TGFBR2: variants seen among roughly 807,000 people sequenced by gnomAD.
TGFBR2 encodes TGF-beta receptor type-2.
In TGFBR2, 18 loss-of-function variants were observed where a neutral mutation model predicts 49.0. That is an observed-to-expected ratio of 0.37 (90% CI 0.25 to 0.54). The LOEUF (loss-of-function observed/expected upper bound fraction) is 0.54. Ranked by LOEUF, TGFBR2 falls within the 20% of genes least tolerant of loss-of-function variation. The pLI, the probability that TGFBR2 is intolerant of heterozygous loss-of-function variation, is 0.85. For missense variants in TGFBR2, 525 were observed against 722.6 expected (o/e 0.73, Z 3.13); for synonymous variants, 282 against 275.9 (o/e 1.02, Z -0.22).
rs2125451840 is a variant in TGFBR2, at chr3:30,688,436, T to A, written c.1449T>A (p.Cys483Ter). The change falls in exon 6 of 7, where the codon TGT becomes TGA. Residue 483 changes from cysteine to a stop codon, truncating the protein, a stop_gained. Coordinates refer to ENST00000295754, the MANE Select transcript of TGFBR2 (RefSeq NM_003242.6). LOFTEE classifies it high-confidence loss of function. ...PFGSKVREHPCVESMKDNVLR... is the reference protein window; with the variant it reads ...PFGSKVREHP Reference sequence around the variant, plus strand: ...GTTCCAAGGTGCGGGAGCACCCCTGTGTCGAAAGCATGAAGGACAACGTGT... The same window carrying A: ...GTTCCAAGGTGCGGGAGCACCCCTGAGTCGAAAGCATGAAGGACAACGTGT... The A allele has an allele frequency of 6.2e-7, 1 of 1,614,216 alleles. No homozygotes were observed. Among genetic ancestry groups the A allele is most frequent in the Non-Finnish European group, 8.5e-7 (1 of 1,180,010 alleles).
At chr3:30,639,398 A>G (rs1206685154) in intron 1 of TGFBR2, among the ~76,000 whole-genome samples, 1 of 152,208 alleles carries the variant, frequency 6.6e-6, no homozygotes, top group Non-Finnish European at 1.5e-5. Context: ...AATCAACTGA[A>G]CAGCCTTAAG....
intron 1 of TGFBR2, among the ~76,000 whole-genome samples, chr3:30,611,553 G>A (rs1291252266): frequency 6.6e-6 from 1 of 151,548 alleles, no homozygotes; most frequent in African/African-American, 2.4e-5. Flanking sequence ...AAAGTCACCA[G>A]AGGAATTATC....
intron 1 of TGFBR2, among the ~76,000 whole-genome samples, chr3:30,632,385 T>TG (rs1402785202): frequency 1.3e-5 from 2 of 152,204 alleles, no homozygotes; most frequent in African/African-American, 4.8e-5. Flanking sequence ...AGACCTATGC[T>TG]GGTTATGAAC....
At chr3:30,644,720 A>G (rs767922281) in intron 1 of TGFBR2, 27 bp from the exon 2 acceptor site, 13 of 1,611,328 alleles carry the variant, frequency 8.1e-6, no homozygotes, top group African/African-American at 4.0e-5. Context: ...TTGGATAATC[A>G]TTTAATATAT....
intron 3 of TGFBR2, among the ~76,000 whole-genome samples, chr3:30,660,966 A>G (rs1699112308): frequency 6.6e-6 from 1 of 152,202 alleles, no homozygotes; most frequent in Non-Finnish European, 1.5e-5. Flanking sequence ...CTGGAAAGCC[A>G]GGGAGAGAGA....
intron 1 of TGFBR2, among the ~76,000 whole-genome samples, chr3:30,644,264 A>T (rs1226183659): frequency 6.6e-6 from 1 of 152,184 alleles, no homozygotes; most frequent in African/African-American, 2.4e-5. Context: ...GTGAGGTTAT[A>T]GCCTCCCTGC....
chr3:30,678,289 T>TG (rs1374766177), intron 5 of TGFBR2, among the ~76,000 whole-genome samples: 2 of 152,248 alleles, frequency 1.3e-5, no homozygotes, highest in Admixed American at 1.3e-4. Context: ...GGCTCACGCC[T>TG]GTAATCCCAA....
chr3:30,649,175 C>G (rs945249770), intron 2 of TGFBR2, among the ~76,000 whole-genome samples: 2 of 152,102 alleles, frequency 1.3e-5, no homozygotes, highest in Non-Finnish European at 2.9e-5. Context: ...CGCTCCCTCT[C>G]TAGACAGAGA....
intron 3 of TGFBR2, among the ~76,000 whole-genome samples, chr3:30,657,218 CTTTT>C (rs1271522426): frequency 6.6e-6 from 1 of 152,102 alleles, no homozygotes; most frequent in Admixed American, 6.6e-5. Context: ...GGTGTGTTTG[CTTTT>C]TTATCAGTCT....
intron 1 of TGFBR2, among the ~76,000 whole-genome samples, chr3:30,639,466 T>G (rs943087193): frequency 4.6e-5 from 7 of 152,220 alleles, no homozygotes; most frequent in African/African-American, 1.7e-4. Context: ...AGCATTGATT[T>G]CTGCCTGAGT....
At chr3:30,644,292 C>T (rs879708688) in intron 1 of TGFBR2, among the ~76,000 whole-genome samples, 4 of 152,158 alleles carry the variant, frequency 2.6e-5, no homozygotes, top group Admixed American at 6.5e-5. Context: ...AGCGGTGATG[C>T]TCGCCTGGCT....
intron 1 of TGFBR2, among the ~76,000 whole-genome samples, chr3:30,610,360 G>T (rs914677508): frequency 6.6e-6 from 1 of 152,016 alleles, no homozygotes; most frequent in Non-Finnish European, 1.5e-5. Flanking sequence ...AGGAGGATGT[G>T]CATGTTGAAT....
At chr3:30,614,310 G>T (rs1405338042) in intron 1 of TGFBR2, among the ~76,000 whole-genome samples, 7 of 152,168 alleles carry the variant, frequency 4.6e-5, no homozygotes. Flanking sequence ...GCTTCTCAGT[G>T]CTTTAGAAGA....
intron 3 of TGFBR2, among the ~76,000 whole-genome samples, chr3:30,661,232 A>C (rs948086380): frequency 2.0e-5 from 3 of 152,182 alleles, no homozygotes; most frequent in Non-Finnish European, 4.4e-5. Context: ...AGAAAACTGC[A>C]ATAACACAGA....
At chr3:30,657,336 C>T (rs1018354266) in intron 3 of TGFBR2, among the ~76,000 whole-genome samples, 1 of 152,158 alleles carries the variant, frequency 6.6e-6, no homozygotes, top group Non-Finnish European at 1.5e-5. Flanking sequence ...AGAGGCACAA[C>T]CTCAGGCTGA....
chr3:30,693,671 C>A lies in TGFBR2; in HGVS notation c.*2072C>A. 1 of 233,634 alleles carries A rather than the reference C, an allele frequency of 4.3e-6. No individual in the cohort carries two copies. Among genetic ancestry groups the A allele is most frequent in the Non-Finnish European group, 8.5e-6 (1 of 117,942 alleles). The allele number at this position is 233,634 out of a possible 1,614,324, so 14.5% of individuals were successfully genotyped here. On this transcript the variant is annotated 3_prime_UTR_variant, in exon 7 of 7. Coordinates refer to ENST00000295754, the MANE Select transcript of TGFBR2 (RefSeq NM_003242.6). ...TAGAAATTCCACTTGCACCGTAGGG[C>A]ATGCTGATACCATCCCAATAGCTGT...
chr3:30,672,493 T>C lies in TGFBR2; in HGVS notation c.1254+56T>C. 6.4e-7 allele frequency: 1 copy of C among 1,564,430 alleles called. No individual in the cohort carries two copies. Among genetic ancestry groups the C allele is most frequent in the Non-Finnish European group, 8.8e-7 (1 of 1,135,218 alleles). On this transcript the variant is annotated intron_variant, in intron 4 of 6. Transcript: ENST00000295754. This position sits in a 1 kb window ranked among gnomAD's most constrained non-coding sequence, Gnocchi z 4.5. ...ACCTTGAGCCTGGCCTCACCCTACC[T>C]CTTGATCCATATCTCCTGGCTCTTA...
chr3:30,665,835 A>G (rs1360953961), intron 3 of TGFBR2, among the ~76,000 whole-genome samples: 1 of 152,246 alleles, frequency 6.6e-6, no homozygotes, highest in Admixed American at 6.5e-5. Flanking sequence ...GATGTTTTTT[A>G]AATGCATAAA....
At chr3:30,665,902 AT>A (rs1699234329) in intron 3 of TGFBR2, among the ~76,000 whole-genome samples, 1 of 152,210 alleles carries the variant, frequency 6.6e-6, no homozygotes, top group African/African-American at 2.4e-5. Flanking sequence ...ATGACCAAAT[AT>A]TTTAAAAATG....
Sources: allele counts gnomAD v4.1 joint callset (sites outside exome capture counted in the v4.1 genomes callset), GRCh38; gene constraint gnomAD v4.1.1; non-coding constraint Gnocchi (gnomAD v3.1); transcripts MANE v1.5; gene names NCBI Gene and HGNC (gene_info 2026-07-23, HGNC 2026-07-21).